Variants in ELOVL5 observed in about 807,000 individuals in gnomAD.
ELOVL5 encodes ELOVL fatty acid elongase 5, also known as very long chain fatty acid elongase 5.
In ELOVL5, 8 loss-of-function variants were observed where a neutral mutation model predicts 38.6. The observed-to-expected ratio is 0.21, with a 90% CI of 0.12 to 0.37. ELOVL5 has a LOEUF of 0.37. Ranked by LOEUF, ELOVL5 falls within the 10% of genes least tolerant of loss-of-function variation. ELOVL5 has a pLI of 1.00. For synonymous variants in ELOVL5, 127 were observed against 133.7 expected, an observed-to-expected ratio of 0.95 and a Z score of 0.34; for missense variants, 280 against 367.8, an observed-to-expected ratio of 0.76 and a Z score of 1.95.
intron 3 of ELOVL5, among the ~76,000 whole-genome samples, chr6:53,285,464 A>G (rs568293885): frequency 6.6e-6 from 1 of 152,358 alleles, no homozygotes; most frequent in South Asian, 2.1e-4. Flanking sequence ...TCATCTCCAT[A>G]ACACAAAAGG....
At chr6:53,348,758 G>A (rs1282325837) in intron 1 of ELOVL5, 59 bp downstream of exon 1, 2 of 450,936 alleles carry the variant, frequency 4.4e-6, no homozygotes, top group Admixed American at 4.8e-5. Context: ...GCGCGCTCGC[G>A]CGGGTGTCAT....
intron 1 of ELOVL5, among the ~76,000 whole-genome samples, chr6:53,342,963 A>T (rs979577653): frequency 1.3e-5 from 2 of 152,222 alleles, no homozygotes; most frequent in Non-Finnish European, 2.9e-5. Context: ...CTACAAGTCC[A>T]CTAAAAATGT....
At chr6:53,327,147 C>T (rs534137965) in intron 1 of ELOVL5, among the ~76,000 whole-genome samples, 1 of 152,330 alleles carries the variant, frequency 6.6e-6, no homozygotes, top group Admixed American at 6.5e-5. Context: ...CTCCTCCTGT[C>T]TGCCTTCCCT....
At chr6:53,292,008 C>A in intron 2 of ELOVL5, 45 bp from the exon 3 acceptor site, 1 of 1,286,652 alleles carries the variant, frequency 7.8e-7, no homozygotes, top group Admixed American at 2.5e-5. Context: ...ACATTCACAA[C>A]TTTTCAAACG....
intron 1 of ELOVL5, 54 bp from the exon 2 acceptor site, chr6:53,295,761 C>A (rs1210980969): frequency 1.8e-6 from 2 of 1,118,852 alleles, no homozygotes; most frequent in African/African-American, 3.2e-5. Flanking sequence ...GTTTTTTATA[C>A]AGTATTTTTT....
chr6:53,318,798 A>C (rs1768158212), intron 1 of ELOVL5, among the ~76,000 whole-genome samples: 1 of 152,196 alleles, frequency 6.6e-6, no homozygotes, highest in Non-Finnish European at 1.5e-5. Flanking sequence ...AAATTTCAAC[A>C]CTAAAGCAGT....
chr6:53,336,352 C>T (rs1489820813), intron 1 of ELOVL5, among the ~76,000 whole-genome samples: 4 of 152,194 alleles, frequency 2.6e-5, no homozygotes, highest in East Asian at 1.9e-4. Context: ...TGCTGCCAAC[C>T]AAAACAAGGT....
In ELOVL5 at chr6:53,294,098, A is replaced by C. The variant is rs1338943154; in HGVS notation, c.58+1544T>G. The stretch of plus-strand genomic sequence containing the variant: ...ACACAAATCTCCCTATTTTAACTTA[A>C]ACCTCTGATTTACACTTTGCTTTAT... On this transcript the variant is annotated intron_variant, in intron 2 of 7. Transcript: ENST00000304434. 2.9e-6 allele frequency: 4 copies of C among 1,377,412 alleles called. No individual in the cohort carries two copies. In the African/African-American group the frequency reaches 5.8e-5, roughly 20 times the overall value. 85.3% of individuals were successfully genotyped at this position (1,377,412 alleles called of 1,614,324 possible).
At chr6:53,301,154 C>T (rs1449889186) in intron 1 of ELOVL5, among the ~76,000 whole-genome samples, 2 of 152,152 alleles carry the variant, frequency 1.3e-5, no homozygotes, top group African/African-American at 4.8e-5. Flanking sequence ...TTTATGGGAA[C>T]GGCATGACCT....
intron 1 of ELOVL5, among the ~76,000 whole-genome samples, chr6:53,334,920 C>T (rs1768979107): frequency 6.6e-6 from 1 of 152,188 alleles, no homozygotes; most frequent in African/African-American, 2.4e-5. Context: ...TCTCCCAAAT[C>T]AGCACATTCA....
chr6:53,315,196 T>C (rs1277483892), intron 1 of ELOVL5, among the ~76,000 whole-genome samples: 4 of 152,286 alleles, frequency 2.6e-5, no homozygotes, highest in Non-Finnish European at 5.9e-5. Context: ...TGTATCCTCC[T>C]GGGGACTTGG....
At chr6:53,314,511 G>A (rs1287978458) in intron 1 of ELOVL5, among the ~76,000 whole-genome samples, 1 of 152,172 alleles carries the variant, frequency 6.6e-6, no homozygotes, top group Non-Finnish European at 1.5e-5. Context: ...AACTGAGATT[G>A]TAAAATGGCA....
intron 1 of ELOVL5, among the ~76,000 whole-genome samples, chr6:53,299,545 C>A (rs745398043): frequency 2.6e-5 from 4 of 152,162 alleles, no homozygotes; most frequent in Non-Finnish European, 5.9e-5. Context: ...GCTAACATCA[C>A]GGCAACAGAA....
chr6:53,325,857 T>C (rs1768520707), intron 1 of ELOVL5, among the ~76,000 whole-genome samples: 1 of 152,354 alleles, frequency 6.6e-6, no homozygotes, highest in East Asian at 1.9e-4. Context: ...GGCTGGCATG[T>C]GTTAAACATT....
At chr6:53,322,065 A>G (rs1467695139) in intron 1 of ELOVL5, among the ~76,000 whole-genome samples, 1 of 152,262 alleles carries the variant, frequency 6.6e-6, no homozygotes, top group Non-Finnish European at 1.5e-5. Flanking sequence ...TATGCTTCAC[A>G]TAAACAACAG....
intron 1 of ELOVL5, among the ~76,000 whole-genome samples, chr6:53,339,433 A>G (rs1007660696): frequency 6.6e-6 from 1 of 152,220 alleles, no homozygotes; most frequent in African/African-American, 2.4e-5. Context: ...TATAGCCTGA[A>G]CACCATGGCC....
Position 53,295,435 on chromosome 6 carries a change from T to A in ELOVL5, c.58+207A>T, listed in dbSNP as rs12523973. 0.048 allele frequency among the ~76,000 whole-genome samples: 7,269 copies of A among 152,314 alleles called. 248 individuals carry two copies. The highest frequency in any genetic ancestry group is 0.15 in the South Asian group (699 of 4,820). The stretch of plus-strand genomic sequence containing the variant: ...GGCTACAAGCTTTACAGCATATTTT[T>A]AAACTCCAGTTAAAGTCAACGGAGG... On this transcript the variant is annotated intron_variant, in intron 2 of 7. Coordinates refer to ENST00000304434, the MANE Select transcript of ELOVL5 (RefSeq NM_021814.5).
intron 5 of ELOVL5, 125 bp downstream of exon 5, chr6:53,274,965 A>G: frequency 1.1e-6 from 1 of 914,078 alleles, no homozygotes; most frequent in East Asian, 2.6e-5. Flanking sequence ...ATTAAAAGCA[A>G]CTTGAACACA....
intron 1 of ELOVL5, among the ~76,000 whole-genome samples, chr6:53,311,027 G>A (rs898420975): frequency 1.3e-5 from 2 of 152,178 alleles, no homozygotes; most frequent in African/African-American, 2.4e-5. Flanking sequence ...ACTCCCCTCT[G>A]TACCTCAACA....
Sources: gnomAD v4.1 joint callset for allele counts (sites outside exome capture counted in the v4.1 genomes callset) on GRCh38, gnomAD v4.1.1 for gene constraint, MANE v1.5 for transcripts, NCBI Gene and HGNC (gene_info 2026-07-23, HGNC 2026-07-21) for gene names.